The following POLA1 variants were observed in gnomAD, a reference collection of about 807,000 sequenced individuals.
POLA1 encodes DNA polymerase alpha catalytic subunit.
POLA1 carries 15 observed loss-of-function variants against 124.0 expected under a neutral mutation model. The observed-to-expected ratio is 0.12, with a 90% CI of 0.08 to 0.19. The LOEUF is 0.19. Ranked by LOEUF, POLA1 falls within the 10% of genes least tolerant of loss-of-function variation. The probability of loss-of-function intolerance (pLI) is 1.00; values close to 1 mark genes in which losing one functional copy is unlikely to be tolerated. For missense variants in POLA1, 886 were observed against 1,103.4 expected (o/e 0.80, Z 2.79); for synonymous variants, 408 against 389.4 (o/e 1.05, Z -0.56).
At chrX:24,941,865 A>C (rs1186564682) in intron 36 of POLA1, among the ~76,000 whole-genome samples, 2 of 112,294 alleles carry the variant, frequency 1.8e-5, no homozygotes, top group Non-Finnish European at 3.8e-5. Context: ...CTTAAGGCTT[A>C]AACTAGTTCG....
intron 34 of POLA1, among the ~76,000 whole-genome samples, chrX:24,879,741 GT>G (rs2046979709): frequency 8.9e-6 from 1 of 111,893 alleles, no homozygotes; most frequent in African/African-American, 3.2e-5. Context: ...ACTAAGAGAG[GT>G]TTTTTAGTTG....
chrX:24,807,072 T>TGCC (rs1300199284), intron 26 of POLA1, among the ~76,000 whole-genome samples: 1 of 112,097 alleles, frequency 8.9e-6, no homozygotes, highest in African/African-American at 3.2e-5. Flanking sequence ...GTCCTCAGGT[T>TGCC]ATGCATGGCA....
intron 28 of POLA1, among the ~76,000 whole-genome samples, chrX:24,812,428 C>G (rs1245403242): frequency 9.0e-6 from 1 of 111,283 alleles, no homozygotes; most frequent in Non-Finnish European, 1.9e-5. Context: ...ATGGGATGAT[C>G]TATTATTGTC....
intron 31 of POLA1, among the ~76,000 whole-genome samples, chrX:24,823,669 G>A (rs2046126675): frequency 8.9e-6 from 1 of 112,426 alleles, no homozygotes; most frequent in Non-Finnish European, 1.9e-5. Context: ...CTCCCAAAGT[G>A]CTGGGATTAC....
At chrX:24,703,456 T>C in intron 3 of POLA1, 109 bp downstream of exon 3, 1 of 519,063 alleles carries the variant, frequency 1.9e-6, no homozygotes, top group Non-Finnish European at 3.3e-6. Flanking sequence ...CCTGGGCAAA[T>C]GTAAGGCACT....
intron 34 of POLA1, among the ~76,000 whole-genome samples, chrX:24,882,880 C>G (rs2147130801): frequency 9.0e-6 from 1 of 111,453 alleles, no homozygotes; most frequent in South Asian, 3.8e-4. Flanking sequence ...AATGCAGTTC[C>G]TGGGTTGAAT....
chrX:24,919,785 C>T (rs1284962010), intron 35 of POLA1, among the ~76,000 whole-genome samples: 1 of 94,290 alleles, frequency 1.1e-5, no homozygotes, highest in Non-Finnish European at 2.1e-5. Flanking sequence ...TCCTAATGCT[C>T]TCCCTCCCCA....
chrX:24,815,324 T>G (rs1050703796), intron 30 of POLA1, among the ~76,000 whole-genome samples: 2 of 111,380 alleles, frequency 1.8e-5, no homozygotes. Flanking sequence ...TGTCTAGTCC[T>G]TACTTTAATT....
intron 36 of POLA1, among the ~76,000 whole-genome samples, chrX:24,938,370 C>T (rs1190455610): frequency 4.5e-5 from 5 of 111,317 alleles, no homozygotes; most frequent in African/African-American, 1.6e-4. Flanking sequence ...GAGCCGAGAT[C>T]GCACCATAGC....
At chrX:24,695,442 A>G (rs1927918028) in intron 1 of POLA1, among the ~76,000 whole-genome samples, 1 of 110,307 alleles carries the variant, frequency 9.1e-6, no homozygotes, top group Non-Finnish European at 1.9e-5. Flanking sequence ...GTCTGTAACT[A>G]GCTGTTACTA....
chrX:24,894,081 G>C (rs1432935628), intron 35 of POLA1, among the ~76,000 whole-genome samples: 1 of 111,626 alleles, frequency 9.0e-6, no homozygotes, highest in East Asian at 2.8e-4. Flanking sequence ...CTGAGTCTTC[G>C]TTTCTCTAGA....
intron 34 of POLA1, among the ~76,000 whole-genome samples, chrX:24,873,994 G>A (rs902162548): frequency 9.0e-6 from 1 of 111,432 alleles, no homozygotes; most frequent in Non-Finnish European, 1.9e-5. Context: ...CACATACAGC[G>A]ACTGGCTCAT....
At chrX:24,932,698 T>C (rs1192517329) in intron 36 of POLA1, among the ~76,000 whole-genome samples, 2 of 111,425 alleles carry the variant, frequency 1.8e-5, no homozygotes, top group East Asian at 2.8e-4. Context: ...GAGAAAAAAA[T>C]ATATGTGACT....
chrX:24,835,238 G>C (rs753271842), intron 32 of POLA1, among the ~76,000 whole-genome samples: 51 of 109,957 alleles, frequency 4.6e-4, no homozygotes, highest in African/African-American at 1.6e-3. Flanking sequence ...TTTTAGTAGA[G>C]ACGGGGTTTC....
chrX:24,794,887 C>T (rs748255598), intron 26 of POLA1, among the ~76,000 whole-genome samples: 3 of 109,583 alleles, frequency 2.7e-5, no homozygotes, highest in Non-Finnish European at 5.7e-5. Flanking sequence ...AAGTGTTTAT[C>T]TGTTTAAAAT....
At chrX:24,904,152 C>T (rs1175828698) in intron 35 of POLA1, among the ~76,000 whole-genome samples, 2 of 109,329 alleles carry the variant, frequency 1.8e-5, no homozygotes, top group African/African-American at 3.3e-5. Context: ...GTTGCCTAGG[C>T]TGGTCTCAAA....
At chrX:24,724,945 GCTATAGC>G (rs1176462318) in intron 12 of POLA1, among the ~76,000 whole-genome samples, 1 of 111,729 alleles carries the variant, frequency 9.0e-6, no homozygotes, top group African/African-American at 3.3e-5. Flanking sequence ...AATCGTGGGG[GCTATAGC>G]CTGCTCAAAA....
At chrX:24,731,016 G>A (rs1181534084) in intron 15 of POLA1, among the ~76,000 whole-genome samples, 1 of 112,107 alleles carries the variant, frequency 8.9e-6, no homozygotes, top group African/African-American at 3.2e-5. Context: ...TGTAATTGCC[G>A]GTGAAATAAT....
intron 34 of POLA1, among the ~76,000 whole-genome samples, chrX:24,847,862 T>C (rs543036005): frequency 8.9e-6 from 1 of 112,345 alleles, no homozygotes; most frequent in East Asian, 2.8e-4. Flanking sequence ...GGAAGACTTA[T>C]TAGTGGCCTA....
Sources: allele counts gnomAD v4.1 joint callset (sites outside exome capture counted in the v4.1 genomes callset), GRCh38; gene constraint gnomAD v4.1.1; transcripts MANE v1.5; gene names NCBI Gene and HGNC (gene_info 2026-07-23, HGNC 2026-07-21).